The following CELF2 variants were observed in gnomAD, a reference collection of about 807,000 sequenced individuals.
CELF2 encodes the protein CUGBP Elav-like family member 2.
CELF2 carries 8 observed loss-of-function variants against 62.6 expected under a neutral mutation model. The observed-to-expected ratio is 0.13, with a 90% CI of 0.07 to 0.23. CELF2 has a LOEUF of 0.23. Ranked by LOEUF, CELF2 falls within the 10% of genes least tolerant of loss-of-function variation. CELF2 has a pLI of 1.00. For missense variants in CELF2, 333 were observed against 671.0 expected (o/e 0.50, Z 5.56); for synonymous variants, 258 against 250.0 (o/e 1.03, Z -0.30).
At chr10:11,205,178 A>G (rs2060152547) in intron 2 of CELF2, among the ~76,000 whole-genome samples, 1 of 152,244 alleles carries the variant, frequency 6.6e-6, no homozygotes, top group East Asian at 1.9e-4. Context: ...TCAGAAAGCA[A>G]GACAACACAA....
intron 1 of CELF2, among the ~76,000 whole-genome samples, chr10:10,841,345 CA>C (rs34172827): frequency 1.9e-4 from 28 of 145,966 alleles, no homozygotes; most frequent in South Asian, 4.3e-4. Flanking sequence ...GATATAGTAT[CA>C]AAAAAAAAAA....
the CELF2 span, among the ~76,000 whole-genome samples, chr10:10,698,189 A>G: frequency 2.6e-5 from 4 of 152,214 alleles, no homozygotes; most frequent in Non-Finnish European, 5.9e-5. Flanking sequence ...GTTGTCCAAT[A>G]TGACAGTAAA....
At chr10:10,932,729 A>G (rs966100831) in intron 2 of CELF2, among the ~76,000 whole-genome samples, 2 of 152,006 alleles carry the variant, frequency 1.3e-5, no homozygotes, top group African/African-American at 4.8e-5. Flanking sequence ...ATTAAGTAAC[A>G]TATACCTGGA....
intron 2 of CELF2, among the ~76,000 whole-genome samples, chr10:10,984,598 G>A (rs554839982): frequency 6.6e-6 from 1 of 152,108 alleles, no homozygotes; most frequent in Admixed American, 6.5e-5. Context: ...GTACTCAAGC[G>A]GTCTTCAGGT....
chr10:11,215,241 T>C (rs2063012136), intron 2 of CELF2, among the ~76,000 whole-genome samples: 1 of 152,204 alleles, frequency 6.6e-6, no homozygotes, highest in Non-Finnish European at 1.5e-5. Flanking sequence ...GCAGGAGTGC[T>C]CCCTTTATCC....
At chr10:11,194,685 G>A (rs754547052) in intron 2 of CELF2, among the ~76,000 whole-genome samples, 3 of 152,022 alleles carry the variant, frequency 2.0e-5, no homozygotes, top group Non-Finnish European at 2.9e-5. Flanking sequence ...TAATATATTC[G>A]GCTATTTTAC....
chr10:10,790,005 C>CA, the CELF2 span, among the ~76,000 whole-genome samples: 1 of 151,918 alleles, frequency 6.6e-6, no homozygotes, highest in Admixed American at 6.6e-5. Flanking sequence ...ATTATCAAGA[C>CA]AAAAATTTGC....
At chr10:11,023,439 G>C (rs1019206570) in intron 1 of CELF2, among the ~76,000 whole-genome samples, 1 of 152,232 alleles carries the variant, frequency 6.6e-6, no homozygotes, top group African/African-American at 2.4e-5. Context: ...AATTAGAGCA[G>C]CAAATGTGAT....
the CELF2 span, among the ~76,000 whole-genome samples, chr10:10,569,642 T>A: frequency 2.6e-3 from 397 of 152,226 alleles, 4 homozygotes; most frequent in African/African-American, 9.2e-3. Flanking sequence ...CCCTATACAT[T>A]TTAAAGAGAG....
intron 2 of CELF2, among the ~76,000 whole-genome samples, chr10:10,965,851 A>G (rs927223575): frequency 1.3e-5 from 2 of 152,228 alleles, no homozygotes; most frequent in African/African-American, 4.8e-5. Context: ...TGTATCCCAC[A>G]TCATTAGCAC....
the CELF2 span, among the ~76,000 whole-genome samples, chr10:10,539,440 C>T: frequency 7.0e-6 from 1 of 142,668 alleles, no homozygotes; most frequent in South Asian, 2.6e-4. Flanking sequence ...CAGCCCTCAA[C>T]CCCACCGCCA....
intron 1 of CELF2, among the ~76,000 whole-genome samples, chr10:10,917,339 T>C (rs954207947): frequency 6.6e-6 from 1 of 152,182 alleles, no homozygotes; most frequent in Non-Finnish European, 1.5e-5. Flanking sequence ...TTGTTTGTTT[T>C]GTTTTGTTTT....
chr10:10,843,198 C>T (rs1436579778), intron 1 of CELF2, among the ~76,000 whole-genome samples: 2 of 151,898 alleles, frequency 1.3e-5, no homozygotes, highest in African/African-American at 4.8e-5. Flanking sequence ...AACAGAAAAA[C>T]AACAAAGAAA....
chr10:10,999,202 A>T (rs1262545036), intron 2 of CELF2, among the ~76,000 whole-genome samples: 1 of 152,184 alleles, frequency 6.6e-6, no homozygotes, highest in Non-Finnish European at 1.5e-5. Context: ...CAAGCCACTG[A>T]GACTAGGTAA....
At chr10:10,490,074 C>A in the CELF2 span, among the ~76,000 whole-genome samples, 109 of 140,694 alleles carry the variant, frequency 7.7e-4, 1 homozygote, top group Non-Finnish European at 1.4e-3. Flanking sequence ...CAGTAAAATT[C>A]TCTGGAATGT....
the CELF2 span, among the ~76,000 whole-genome samples, chr10:10,586,426 G>A: frequency 4.1e-3 from 621 of 152,254 alleles, 11 homozygotes; most frequent in Admixed American, 6.3e-3. Context: ...GTGCTCTTCT[G>A]TATGCATTGA....
chr10:10,941,386 G>A (rs895209404), intron 2 of CELF2, among the ~76,000 whole-genome samples: 1 of 152,048 alleles, frequency 6.6e-6, no homozygotes, highest in African/African-American at 2.4e-5. Flanking sequence ...ATAAACCCTT[G>A]GTTTCTTCTC....
At chr10:11,250,054 G>A (rs1013782423) in intron 4 of CELF2, among the ~76,000 whole-genome samples, 1 of 152,214 alleles carries the variant, frequency 6.6e-6, no homozygotes, top group African/African-American at 2.4e-5. Flanking sequence ...CTACGTATCT[G>A]CAAATGTAAA....
chr10:10,898,474 TTAG>T (rs902586383), intron 1 of CELF2, among the ~76,000 whole-genome samples: 2 of 152,184 alleles, frequency 1.3e-5, no homozygotes, highest in African/African-American at 4.8e-5. Flanking sequence ...AGTGGCTCTA[TTAG>T]TAGTAGACGA....
Sources: gnomAD v4.1 joint callset for allele counts (sites outside exome capture counted in the v4.1 genomes callset) on GRCh38, gnomAD v4.1.1 for gene constraint, MANE v1.5 for transcripts, NCBI Gene and HGNC (gene_info 2026-07-23, HGNC 2026-07-21) for gene names.